The following PHF20 variants were observed in gnomAD, a reference collection of about 807,000 sequenced individuals.
PHF20 encodes PHD finger protein 20.
In PHF20, 23 loss-of-function variants were observed where a neutral mutation model predicts 113.5. The observed-to-expected ratio is 0.20, with a 90% confidence interval of 0.15 to 0.29. The LOEUF (loss-of-function observed/expected upper bound fraction) is 0.29, where lower values mean the gene tolerates loss of function less well. Among genes scored for constraint, PHF20 ranks in the 10% least tolerant of loss-of-function variants. The pLI is 1.00. For synonymous variants in PHF20, 434 were observed against 457.3 expected, an observed-to-expected ratio of 0.95 and a Z score of 0.65; for missense variants, 943 against 1,219.6, an observed-to-expected ratio of 0.77 and a Z score of 3.38.
At chr20:35,866,772 G>C (rs2054327069) in intron 6 of PHF20, among the ~76,000 whole-genome samples, 1 of 152,186 alleles carries the variant, frequency 6.6e-6, no homozygotes, top group South Asian at 2.1e-4. Flanking sequence ...CCAACAAGCA[G>C]ACTGCTCCTT....
At chr20:35,931,515 A>G in intron 15 of PHF20, 71 bp downstream of exon 15, 1 of 1,204,854 alleles carries the variant, frequency 8.3e-7, no homozygotes, top group Non-Finnish European at 1.2e-6. Flanking sequence ...AATCTGAGAA[A>G]TTGGAAAGCT....
intron 9 of PHF20, among the ~76,000 whole-genome samples, chr20:35,890,402 C>G (rs1001531435): frequency 6.6e-6 from 1 of 152,168 alleles, no homozygotes; most frequent in African/African-American, 2.4e-5. Flanking sequence ...TTAATTATCA[C>G]TAATCCTTCA....
chr20:35,814,772 C>A (rs1357796569), intron 2 of PHF20, among the ~76,000 whole-genome samples: 1 of 139,060 alleles, frequency 7.2e-6, no homozygotes, highest in Admixed American at 7.3e-5. Flanking sequence ...ACTTGGGAGG[C>A]TGAGGCAGGA....
intron 9 of PHF20, among the ~76,000 whole-genome samples, chr20:35,897,932 G>A (rs1370682855): frequency 6.6e-6 from 1 of 151,722 alleles, no homozygotes; most frequent in African/African-American, 2.4e-5. Context: ...CTGTAGTGCG[G>A]TGGTGTGATC....
intron 2 of PHF20, among the ~76,000 whole-genome samples, chr20:35,822,978 G>C (rs1161218069): frequency 6.7e-6 from 1 of 150,276 alleles, no homozygotes; most frequent in African/African-American, 2.4e-5. Flanking sequence ...AACCAATATT[G>C]ACACCTCAGT....
intron 13 of PHF20, among the ~76,000 whole-genome samples, chr20:35,923,738 T>C (rs2055565986): frequency 6.6e-6 from 1 of 152,212 alleles, no homozygotes; most frequent in Non-Finnish European, 1.5e-5. Context: ...ACATTAAAAG[T>C]TACCCTTTTT....
intron 12 of PHF20, 74 bp downstream of exon 12, chr20:35,914,271 T>C (rs571508502): frequency 2.7e-6 from 4 of 1,474,830 alleles, no homozygotes; most frequent in South Asian, 2.4e-5. Context: ...GGAGATATTA[T>C]GGGTTTGGTT....
At position 35,940,947 on chromosome 20, in the gene PHF20, G is replaced by C. The variant is rs1192880095; in HGVS notation, c.2796G>C (p.Leu932=). Residue 932 remains leucine (L), a synonymous_variant, in exon 17 of 18, where the codon CTG becomes CTC. Coordinates refer to ENST00000374012, the MANE Select transcript of PHF20 (RefSeq NM_016436.5). ...TGGACAGAGGTGGAGAGGGGCTGCT[G>C]AGCTCCCAGCACCAGTGGCAGTTTA... ...KLLDRGGEGL[L]SSQHQWQFNL... is the part of the protein sequence containing the mutation. 1.2e-6 allele frequency: 2 copies of C among 1,614,098 alleles called. No individual in the cohort carries two copies. The highest frequency in any genetic ancestry group is 2.7e-5 in the African/African-American group (2 of 74,942).
chr20:35,880,301 A>G (rs147321054), intron 9 of PHF20, among the ~76,000 whole-genome samples: 2 of 152,318 alleles, frequency 1.3e-5, no homozygotes, highest in Non-Finnish European at 2.9e-5. Context: ...CAGCATGACC[A>G]TAGGGCGATT....
Position 35,914,169 on chromosome 20 carries a change from A to T in PHF20, c.1797A>T (p.Gly599=). The stretch of plus-strand genomic sequence containing the variant: ...CGCAGCTTCATGGCCCAGAATCTGG[A>T]CACCACAAAGGGAAAGTGAAAGCAT... ...MSPQLHGPES[G]HHKGKVKALE... is the part of the protein sequence containing the mutation. The change falls in exon 12 of 18, where the codon GGA becomes GGT. Residue 599 remains glycine (G), a synonymous_variant. Coordinates refer to ENST00000374012, the MANE Select transcript of PHF20 (RefSeq NM_016436.5). 6.2e-7 allele frequency: 1 copy of T among 1,614,176 alleles called. No homozygotes were observed. The highest frequency in any genetic ancestry group is 2.2e-5 in the East Asian group (1 of 44,884).
chr20:35,946,665 TA>T (rs1331882651), intron 17 of PHF20, among the ~76,000 whole-genome samples: 1 of 145,216 alleles, frequency 6.9e-6, no homozygotes, highest in African/African-American at 2.6e-5. Context: ...TATTTTATTT[TA>T]TTTTATTTTA....
intron 9 of PHF20, among the ~76,000 whole-genome samples, chr20:35,880,945 G>A (rs992682997): frequency 6.6e-6 from 1 of 150,428 alleles, no homozygotes; most frequent in African/African-American, 2.5e-5. Flanking sequence ...AAATGACAGA[G>A]CGAGACTCTG....
At chr20:35,819,486 C>G (rs1012723424) in intron 2 of PHF20, among the ~76,000 whole-genome samples, 1 of 152,148 alleles carries the variant, frequency 6.6e-6, no homozygotes, top group Non-Finnish European at 1.5e-5. Context: ...TACTGTGTTT[C>G]TATTTAAGTT....
At chr20:35,786,268 G>A (rs2041412402) in intron 1 of PHF20, among the ~76,000 whole-genome samples, 1 of 151,870 alleles carries the variant, frequency 6.6e-6, no homozygotes, top group South Asian at 2.1e-4. Context: ...GCGTGTGCCT[G>A]TAATCGCAGC....
chr20:35,774,050 G>A (rs2041120867), intron 1 of PHF20, among the ~76,000 whole-genome samples: 1 of 150,918 alleles, frequency 6.6e-6, no homozygotes, highest in Non-Finnish European at 1.5e-5. Context: ...TGGGGAAATG[G>A]ATATTTTTCT....
chr20:35,904,677 T>A (rs547124321), intron 10 of PHF20, among the ~76,000 whole-genome samples: 27 of 152,204 alleles, frequency 1.8e-4, no homozygotes, highest in African/African-American at 6.5e-4. Context: ...GTAGTTCTGG[T>A]CTGAGAGTCC....
intron 15 of PHF20, 186 bp from the exon 16 acceptor site, chr20:35,938,511 G>A (rs1224021360): frequency 6.6e-6 from 4 of 609,934 alleles, no homozygotes; most frequent in African/African-American, 1.8e-5. Flanking sequence ...CACAGTGGGA[G>A]CTCACTAAGG....
chr20:35,835,930 A>C (rs1046086983), intron 2 of PHF20, among the ~76,000 whole-genome samples: 6 of 152,180 alleles, frequency 3.9e-5, no homozygotes, highest in Non-Finnish European at 8.8e-5. Context: ...ACTTCATCTC[A>C]AAAAAACAAA....
chr20:35,865,436 A>G (rs944245832), intron 6 of PHF20, among the ~76,000 whole-genome samples: 37 of 152,130 alleles, frequency 2.4e-4, no homozygotes, highest in African/African-American at 8.4e-4. Flanking sequence ...GTTTAAAAAA[A>G]AAATTTTTTT....
Sources: allele counts gnomAD v4.1 joint callset (sites outside exome capture counted in the v4.1 genomes callset), GRCh38; gene constraint gnomAD v4.1.1; transcripts MANE v1.5; gene names NCBI Gene and HGNC (gene_info 2026-07-23, HGNC 2026-07-21).